POPDC2: variants seen among roughly 807,000 people sequenced by gnomAD.
The protein encoded by POPDC2 is popeye domain cAMP effector 2, also known as popeye domain-containing protein 2.
A neutral mutation model predicts 30.5 loss-of-function variants in POPDC2; 24 were observed. The ratio of observed to expected loss-of-function variants is 0.79; its 90% CI spans 0.57 to 1.11. The LOEUF (loss-of-function observed/expected upper bound fraction) is 1.11. Ranked by LOEUF, POPDC2 falls within the 50% of genes least tolerant of loss-of-function variation. The pLI is 0.00. For synonymous variants in POPDC2, 185 were observed against 183.3 expected, an observed-to-expected ratio of 1.01 and a Z score of -0.07; for missense variants, 409 against 447.0, an observed-to-expected ratio of 0.91 and a Z score of 0.77.
chr3:119,658,871 A>C (rs756616560), intron 1 of POPDC2, among the ~76,000 whole-genome samples: 1 of 151,506 alleles, frequency 6.6e-6, no homozygotes, highest in Non-Finnish European at 1.5e-5. Context: ...CATCATTGTC[A>C]AACTTTTTTC....
chr3:119,643,948 T>G (rs2052717333), intron 3 of POPDC2, among the ~76,000 whole-genome samples: 1 of 152,240 alleles, frequency 6.6e-6, no homozygotes, highest in Non-Finnish European at 1.5e-5. Flanking sequence ...AAATTCTAAT[T>G]TACATTCTTT....
intron 3 of POPDC2, 84 bp from the exon 4 acceptor site, chr3:119,642,645 T>G: frequency 1.1e-6 from 1 of 939,780 alleles, no homozygotes; most frequent in South Asian, 1.5e-5. Context: ...TCAGTTTTTT[T>G]CTTTCCTTTA....
chr3:119,643,412 G>A, intron 3 of POPDC2: 2 of 1,535,688 alleles, frequency 1.3e-6, no homozygotes, highest in Non-Finnish European at 1.7e-6. Flanking sequence ...TCCCTGAAAA[G>A]CCAAACTGGT....
At chr3:119,650,169 C>G (rs2052792525) in intron 2 of POPDC2, among the ~76,000 whole-genome samples, 1 of 152,206 alleles carries the variant, frequency 6.6e-6, no homozygotes, top group Admixed American at 6.5e-5. Flanking sequence ...TGAGCAAGAA[C>G]TACGCCGAAT....
intron 2 of POPDC2, among the ~76,000 whole-genome samples, chr3:119,649,708 A>C (rs1356934116): frequency 6.6e-6 from 1 of 152,148 alleles, no homozygotes; most frequent in African/African-American, 2.4e-5. Flanking sequence ...ACTTTATATG[A>C]ATTGTCAAAT....
At chr3:119,653,655 T>G (rs1323785577) in intron 2 of POPDC2, among the ~76,000 whole-genome samples, 3 of 152,024 alleles carry the variant, frequency 2.0e-5, no homozygotes, top group Non-Finnish European at 4.4e-5. Flanking sequence ...TTTTTTGTAT[T>G]TTTAGTAGAG....
chr3:119,659,374 G>T (rs1460151380), intron 1 of POPDC2, among the ~76,000 whole-genome samples: 1 of 152,146 alleles, frequency 6.6e-6, no homozygotes, highest in Non-Finnish European at 1.5e-5. Context: ...CTCCCTACCT[G>T]GCTACATACA....
intron 2 of POPDC2, among the ~76,000 whole-genome samples, chr3:119,650,540 T>G (rs1327380262): frequency 1.3e-5 from 2 of 152,154 alleles, no homozygotes; most frequent in Non-Finnish European, 2.9e-5. Flanking sequence ...TCCTCTTTGA[T>G]ATATCTTCTT....
chr3:119,651,718 G>A (rs895170017), intron 2 of POPDC2, among the ~76,000 whole-genome samples: 1 of 149,670 alleles, frequency 6.7e-6, no homozygotes, highest in Admixed American at 6.7e-5. Flanking sequence ...TCACTGCAAT[G>A]TCCACCTCCC....
In POPDC2 at chr3:119,643,599, C is replaced by T. The variant is rs1241009697; in HGVS notation, c.*44-1038G>A. 4 of 617,630 alleles carry T rather than the reference C, an allele frequency of 6.5e-6. No individual in the cohort carries two copies. In the East Asian group the frequency reaches 8.7e-5, roughly 13 times the overall value. The allele number at this position is 617,630 out of a possible 1,614,324, so 38.3% of individuals were successfully genotyped here. A position where few individuals can be genotyped will look rare whatever the true frequency, so the allele number is the denominator to read the frequency against. On this transcript the variant is annotated intron_variant, in intron 3 of 3. Transcript: ENST00000493094. ...ATCACAATCACGCCTCACAGCAACC[C>T]GGTAAGGTAGACAGAGCCATCTTGG...
At chr3:119,659,770 C>T (rs1276570655) in intron 1 of POPDC2, among the ~76,000 whole-genome samples, 163 bp downstream of exon 1, 1 of 152,194 alleles carries the variant, frequency 6.6e-6, no homozygotes, top group Non-Finnish European at 1.5e-5. Context: ...GAAGCAACCC[C>T]ACTCTTAGAA....
rs374134100 is a variant in POPDC2, at chr3:119,648,675, G to A, written c.601-7C>T. 31 of 1,606,356 alleles carry A rather than the reference G, an allele frequency of 1.9e-5. No individual in the cohort carries two copies. Among genetic ancestry groups the A allele is most frequent in the Non-Finnish European group, 2.6e-5 (30 of 1,176,080 alleles). The stretch of plus-strand genomic sequence containing the variant: ...TCTCAGCAGTCAGAGTGACCTGAGA[G>A]GGGTCAGAAGCAGACAATAAAAGTT... On this transcript the variant is annotated splice_region_variant and splice_polypyrimidine_tract_variant and intron_variant, in intron 2 of 3. Coordinates refer to ENST00000493094, the MANE Select transcript of POPDC2 (RefSeq NM_001369919.2).
intron 2 of POPDC2, among the ~76,000 whole-genome samples, chr3:119,649,992 C>G (rs139315351): frequency 7.3e-4 from 111 of 152,330 alleles, no homozygotes; most frequent in Middle Eastern, 3.4e-3. Flanking sequence ...AGATAAATTA[C>G]TTAATCTCTC....
Position 119,648,117 on chromosome 3 carries a change from A to AGCCGGTGG in POPDC2, c.*43+1_*43+2insCCACCGGC. The AGCCGGTGG allele has an allele frequency of 6.9e-7, 1 of 1,457,706 alleles. No individual in the cohort carries two copies. The highest frequency in any genetic ancestry group is 1.4e-5 in the South Asian group (1 of 71,018). 90.3% of individuals were successfully genotyped at this position (1,457,706 alleles called of 1,614,324 possible). A position where few individuals can be genotyped will look rare whatever the true frequency, so the allele number is the denominator to read the frequency against. ...TGCAGCGGCTGCCTTCTGAGTACTT[A>AGCCGGTGG]CATAGGATCCTGAGCCGGTGGCTGT... On this transcript the variant is annotated splice_donor_variant, in intron 3 of 3. Coordinates refer to ENST00000493094, the MANE Select transcript of POPDC2 (RefSeq NM_001369919.2). LOFTEE classifies it low-confidence loss of function (3UTR_SPLICE).
chr3:119,648,131 G>C lies in POPDC2; in HGVS notation c.*31C>G. 2 of 1,474,384 alleles carry C rather than the reference G, an allele frequency of 1.4e-6. No homozygotes were observed. Among genetic ancestry groups the C allele is most frequent in the Non-Finnish European group, 9.0e-7 (1 of 1,109,896 alleles). 91.3% of individuals were successfully genotyped at this position (1,474,384 alleles called of 1,614,324 possible). ...TCTGAGTACTTACATAGGATCCTGA[G>C]CCGGTGGCTGTGCCCATGTTAGTTC... On this transcript the variant is annotated 3_prime_UTR_variant, in exon 3 of 4. Transcript: ENST00000493094.
intron 1 of POPDC2, among the ~76,000 whole-genome samples, chr3:119,656,188 C>CAAGA (rs2052876882): frequency 4.6e-5 from 7 of 152,148 alleles, no homozygotes; most frequent in Admixed American, 1.3e-4. Context: ...CTTGAAATCA[C>CAAGA]ATAAAATGTC....
At chr3:119,647,464 A>G (rs1035023317) in intron 3 of POPDC2, among the ~76,000 whole-genome samples, 4 of 152,134 alleles carry the variant, frequency 2.6e-5, no homozygotes, top group African/African-American at 9.7e-5. Context: ...TGCACATCCT[A>G]CCTCCCACAG....
chr3:119,657,239 A>G (rs1456248711), intron 1 of POPDC2, among the ~76,000 whole-genome samples: 4 of 152,172 alleles, frequency 2.6e-5, no homozygotes, highest in Non-Finnish European at 5.9e-5. Flanking sequence ...GACTGCAGAG[A>G]AAAAAATCAA....
Position 119,660,110 on chromosome 3 carries a change from G to A in POPDC2, c.314C>T (p.Pro105Leu), listed in dbSNP as rs766667906. Residue 105 changes from proline (P) to leucine (L), a missense_variant, in exon 1 of 4, where the codon CCT becomes CTT. Physicochemically the swap from Pro to Leu is moderately conservative, Grantham distance 98. Transcript: ENST00000493094. ...CTTGTAGAGGAGGTCAAACTCCTCA[G>A]GGAGGGTGTCCTCACGCAGGCGGTA... is the stretch of plus-strand genomic sequence containing the variant. Reference protein sequence around the residue: ...LVYRLREDTLPEEFDLLYKTL... With the variant: ...LVYRLREDTLLEEFDLLYKTL... 1.9e-6 allele frequency: 3 copies of A among 1,614,198 alleles called. No homozygotes were observed. Among genetic ancestry groups the A allele is most frequent in the Non-Finnish European group, 2.5e-6 (3 of 1,180,018 alleles).
Sources: allele counts gnomAD v4.1 joint callset (sites outside exome capture counted in the v4.1 genomes callset), GRCh38; gene constraint gnomAD v4.1.1; transcripts MANE v1.5; gene names NCBI Gene and HGNC (gene_info 2026-07-23, HGNC 2026-07-21).